Variants in KCNMB4 observed in about 807,000 individuals in gnomAD.
KCNMB4 encodes the protein calcium-activated potassium channel subunit beta-4.
Under a neutral mutation model 20.7 loss-of-function variants are expected in KCNMB4, and 3 were observed. The observed-to-expected ratio is 0.14, with a 90% CI of 0.07 to 0.37. KCNMB4 has a LOEUF of 0.37. Among genes scored for constraint, KCNMB4 ranks in the 10% least tolerant of loss-of-function variants. The pLI, the probability that KCNMB4 is intolerant of heterozygous loss-of-function variation, is 1.00. For synonymous variants in KCNMB4, 110 were observed against 113.4 expected (o/e 0.97, Z 0.19); for missense variants, 168 against 265.9 (o/e 0.63, Z 2.56).
At chr12:70,396,597 T>C (rs1024983231) in intron 1 of KCNMB4, among the ~76,000 whole-genome samples, 1 of 152,222 alleles carries the variant, frequency 6.6e-6, no homozygotes, top group Admixed American at 6.5e-5. Context: ...TGAGCCATGG[T>C]ACCTGGCCAA....
At chr12:70,391,131 C>T (rs761924523) in intron 1 of KCNMB4, among the ~76,000 whole-genome samples, 14 of 152,056 alleles carry the variant, frequency 9.2e-5, no homozygotes, top group Non-Finnish European at 1.9e-4. Flanking sequence ...TCATAGACTT[C>T]ATTTCATCAA....
At position 70,366,866 on chromosome 12, in the gene KCNMB4, G is replaced by T. The variant is rs1322547154; in HGVS notation, c.132G>T (p.Leu44=). The change falls in exon 1 of 3, where the codon CTG becomes CTT. Residue 44 remains leucine, a synonymous_variant. Coordinates refer to ENST00000258111, the MANE Select transcript of KCNMB4 (RefSeq NM_014505.6). ...IFGFCWLSPA[L]QDLQATEANC... The stretch of plus-strand genomic sequence containing the variant: ...GCTTCTGCTGGCTGAGTCCCGCGCT[G>T]CAGGATCTGCAAGCCACGGAGGCCA... The T allele has an allele frequency of 6.2e-7, 1 of 1,613,228 alleles. No homozygotes were observed. Among genetic ancestry groups the T allele is most frequent in the African/African-American group, 1.3e-5 (1 of 74,880 alleles).
chr12:70,397,383 A>C (rs1200808530), intron 1 of KCNMB4, among the ~76,000 whole-genome samples: 1 of 152,198 alleles, frequency 6.6e-6, no homozygotes. Flanking sequence ...TGTTAGTTTT[A>C]AAAAGTTGCT....
chr12:70,421,739 A>G (rs7963419), intron 2 of KCNMB4, among the ~76,000 whole-genome samples: 49,163 of 151,386 alleles, frequency 0.32, 8,165 homozygotes, highest in East Asian at 0.54. Context: ...CCGCCACCAC[A>G]CCCATCTAAT....
intron 2 of KCNMB4, among the ~76,000 whole-genome samples, chr12:70,426,857 AG>A (rs1869228383): frequency 2.0e-5 from 3 of 152,314 alleles, no homozygotes; most frequent in African/African-American, 7.2e-5. Flanking sequence ...ACCTTGACTC[AG>A]GGTAGTGCCA....
intron 1 of KCNMB4, among the ~76,000 whole-genome samples, chr12:70,399,716 T>C (rs937340721): frequency 1.3e-5 from 2 of 152,206 alleles, no homozygotes; most frequent in East Asian, 1.9e-4. Context: ...TCCACTGATT[T>C]TGTTGTCCAA....
intron 2 of KCNMB4, among the ~76,000 whole-genome samples, chr12:70,404,929 T>A (rs1300314975): frequency 6.6e-6 from 1 of 152,098 alleles, no homozygotes; most frequent in African/African-American, 2.4e-5. Context: ...ATTGTGAACA[T>A]TTAGAGTGAG....
At chr12:70,403,054 T>C (rs1329887931) in intron 2 of KCNMB4, among the ~76,000 whole-genome samples, 1 of 152,190 alleles carries the variant, frequency 6.6e-6, no homozygotes, top group African/African-American at 2.4e-5. Flanking sequence ...TTACATCTCT[T>C]AAGTCACTTG....
At chr12:70,396,860 G>A (rs573162738) in intron 1 of KCNMB4, among the ~76,000 whole-genome samples, 6 of 152,148 alleles carry the variant, frequency 3.9e-5, no homozygotes, top group Non-Finnish European at 7.4e-5. Context: ...TGTGTGACTG[G>A]ATTCTCGAGT....
At chr12:70,396,517 G>C (rs2136127578) in intron 1 of KCNMB4, among the ~76,000 whole-genome samples, 1 of 152,204 alleles carries the variant, frequency 6.6e-6, no homozygotes, top group East Asian at 1.9e-4. Context: ...TGCTGTCCAG[G>C]CTGGTCTCAA....
At chr12:70,403,587 A>C (rs1868517062) in intron 2 of KCNMB4, among the ~76,000 whole-genome samples, 1 of 152,168 alleles carries the variant, frequency 6.6e-6, no homozygotes, top group Non-Finnish European at 1.5e-5. Context: ...TCCCATCTTG[A>C]AGTACTGGGA....
At chr12:70,372,408 C>A (rs567660641) in intron 1 of KCNMB4, among the ~76,000 whole-genome samples, 1 of 152,304 alleles carries the variant, frequency 6.6e-6, no homozygotes, top group African/African-American at 2.4e-5. Flanking sequence ...CACATTCTGA[C>A]TTGTGCAGTG....
At chr12:70,393,656 T>C (rs1204436141) in intron 1 of KCNMB4, among the ~76,000 whole-genome samples, 2 of 152,216 alleles carry the variant, frequency 1.3e-5, no homozygotes, top group East Asian at 3.8e-4. Context: ...CCAGATATCA[T>C]ATCAACATAT....
intron 2 of KCNMB4, among the ~76,000 whole-genome samples, chr12:70,423,634 C>T (rs1368947435): frequency 2.0e-5 from 3 of 152,198 alleles, no homozygotes; most frequent in South Asian, 2.1e-4. Flanking sequence ...TATGCCACCA[C>T]GCCCATCGAA....
At position 70,366,650 on chromosome 12, in the gene KCNMB4, G is replaced by C; in HGVS notation, c.-85G>C. ...CGCGGCGGCGGCGGTGGCGGCGGCGGCTCCTCCCGCCCGAGGCAGTCGGGC... is the reference window on the plus strand; with the variant it reads ...CGCGGCGGCGGCGGTGGCGGCGGCGCCTCCTCCCGCCCGAGGCAGTCGGGC... On this transcript the variant is annotated 5_prime_UTR_variant, in exon 1 of 3. Coordinates refer to ENST00000258111, the MANE Select transcript of KCNMB4 (RefSeq NM_014505.6). 9.4e-7 allele frequency: 1 copy of C among 1,061,652 alleles called. No homozygotes were observed. Among genetic ancestry groups the C allele is most frequent in the Non-Finnish European group, 1.2e-6 (1 of 839,850 alleles). The allele number at this position is 1,061,652 out of a possible 1,614,324, so 65.8% of individuals were successfully genotyped here.
intron 1 of KCNMB4, among the ~76,000 whole-genome samples, chr12:70,393,364 A>C (rs565463059): frequency 6.6e-6 from 1 of 151,770 alleles, no homozygotes; most frequent in Non-Finnish European, 1.5e-5. Flanking sequence ...CACCATGCCT[A>C]GCTAATTTTT....
chr12:70,396,243 A>C (rs538377104), intron 1 of KCNMB4, among the ~76,000 whole-genome samples: 1 of 152,358 alleles, frequency 6.6e-6, no homozygotes, highest in South Asian at 2.1e-4. Flanking sequence ...TATGGAAAGC[A>C]GTAGTTAGGA....
chr12:70,376,795 C>G (rs1285226580), intron 1 of KCNMB4, among the ~76,000 whole-genome samples: 1 of 151,124 alleles, frequency 6.6e-6, no homozygotes, highest in South Asian at 2.1e-4. Flanking sequence ...TCACTTGATC[C>G]TGGGAGATTA....
intron 1 of KCNMB4, among the ~76,000 whole-genome samples, chr12:70,389,992 T>C (rs1868286817): frequency 1.3e-5 from 2 of 152,206 alleles, no homozygotes; most frequent in African/African-American, 4.8e-5. Context: ...TGAAACAAGT[T>C]TACTATTTGT....
Sources: allele counts gnomAD v4.1 joint callset (sites outside exome capture counted in the v4.1 genomes callset), GRCh38; gene constraint gnomAD v4.1.1; transcripts MANE v1.5; gene names NCBI Gene and HGNC (gene_info 2026-07-23, HGNC 2026-07-21).